The following MDGA2 variants were observed in gnomAD, a reference collection of about 807,000 sequenced individuals.
MDGA2 encodes the protein MAM domain containing glycosylphosphatidylinositol anchor 2.
Under a neutral mutation model 117.8 loss-of-function variants are expected in MDGA2, and 40 were observed. That is an observed-to-expected ratio of 0.34 (90% CI 0.26 to 0.44). The LOEUF (loss-of-function observed/expected upper bound fraction) is 0.44. Among genes scored for constraint, MDGA2 ranks in the 20% least tolerant of loss-of-function variants. The pLI is 1.00. For missense variants in MDGA2, 1,123 were observed against 1,250.6 expected, an observed-to-expected ratio of 0.90 and a Z score of 1.54; for synonymous variants, 452 against 439.0, an observed-to-expected ratio of 1.03 and a Z score of -0.37.
chr14:47,223,306 A>G (rs990235665), intron 2 of MDGA2, among the ~76,000 whole-genome samples: 1 of 152,204 alleles, frequency 6.6e-6, no homozygotes, highest in East Asian at 1.9e-4. Context: ...AACCTTAAGT[A>G]CCCTCTACAT....
At chr14:47,400,758 C>CTTTTTTTTTTTTT (rs570103742) in intron 1 of MDGA2, among the ~76,000 whole-genome samples, 1 of 66,214 alleles carries the variant, frequency 1.5e-5, no homozygotes, top group African/African-American at 5.4e-5. Flanking sequence ...CTTTTCTTTT[C>CTTTTTTTTTTTTT]TTTTTTTTTT....
At position 47,035,225 on chromosome 14, in the gene MDGA2, T is replaced by C. The variant is rs115213517; in HGVS notation, c.1605A>G (p.Gln535=). ...REGDTIELQC[Q]VTGKPKPIIL... ...TGATTGGTTTAGGTTTGCCAGTTAC[T>C]TGACATTGCAGTTCTATTGTGTCTC... Residue 535 remains glutamine, a synonymous_variant, in exon 8 of 17, where the codon CAA becomes CAG. Coordinates refer to ENST00000399232, the MANE Select transcript of MDGA2 (RefSeq NM_001113498.3). 6.8e-6 allele frequency: 11 copies of C among 1,614,160 alleles called. No homozygotes were observed. The African/African-American group carries it at 1.2e-4, about 18-fold the overall frequency.
chr14:47,439,218 A>G (rs1157752305), intron 1 of MDGA2, among the ~76,000 whole-genome samples: 1 of 152,136 alleles, frequency 6.6e-6, no homozygotes, highest in East Asian at 1.9e-4. Flanking sequence ...ATAGCAGGTT[A>G]TATTGAGAGA....
chr14:47,022,815 C>T (rs1356680961), intron 8 of MDGA2, among the ~76,000 whole-genome samples: 1 of 152,110 alleles, frequency 6.6e-6, no homozygotes, highest in Non-Finnish European at 1.5e-5. Flanking sequence ...TTCACCTTGA[C>T]TGGAACATGA....
chr14:47,608,501 T>G (rs2138896742), intron 1 of MDGA2, among the ~76,000 whole-genome samples: 1 of 152,130 alleles, frequency 6.6e-6, no homozygotes, highest in South Asian at 2.1e-4. Context: ...ATAAAAAGGC[T>G]GTGAAATGGG....
chr14:47,503,538 T>G (rs916673983), intron 1 of MDGA2, among the ~76,000 whole-genome samples: 3 of 151,526 alleles, frequency 2.0e-5, no homozygotes, highest in Non-Finnish European at 4.4e-5. Flanking sequence ...CCCTAGTAGC[T>G]GGGCTACAGG....
chr14:47,540,665 G>A (rs776668485), intron 1 of MDGA2, among the ~76,000 whole-genome samples: 3 of 151,094 alleles, frequency 2.0e-5, no homozygotes, highest in Non-Finnish European at 4.4e-5. Flanking sequence ...CTGAGGTCAA[G>A]CAATCCTCCT....
chr14:47,089,399 G>A (rs2138938342), intron 6 of MDGA2, among the ~76,000 whole-genome samples: 1 of 152,082 alleles, frequency 6.6e-6, no homozygotes, highest in Admixed American at 6.5e-5. Context: ...GTTTGTAGAT[G>A]TAGTCTCACT....
At chr14:47,012,702 G>A (rs1887936773) in intron 8 of MDGA2, among the ~76,000 whole-genome samples, 1 of 152,032 alleles carries the variant, frequency 6.6e-6, no homozygotes, top group African/African-American at 2.4e-5. Context: ...GAAGCAGGAG[G>A]TCATATTTCA....
At chr14:46,885,716 TACTTGGTCAGAGAAAATG>T in intron 10 of MDGA2, among the ~76,000 whole-genome samples, 1 of 152,156 alleles carries the variant, frequency 6.6e-6, no homozygotes, top group Admixed American at 6.6e-5. Flanking sequence ...GACTGGAGAC[TACTTGGTCAGAGAAAATG>T]ACTCATGACT....
At chr14:47,093,884 T>G (rs1879812827) in intron 6 of MDGA2, among the ~76,000 whole-genome samples, 1 of 152,106 alleles carries the variant, frequency 6.6e-6, no homozygotes, top group Non-Finnish European at 1.5e-5. Flanking sequence ...CTCAGAAACC[T>G]GGTCCATGGA....
intron 1 of MDGA2, among the ~76,000 whole-genome samples, chr14:47,654,633 A>G (rs1001356855): frequency 6.6e-6 from 1 of 151,238 alleles, no homozygotes; most frequent in African/African-American, 2.4e-5. Context: ...AATAACTGAG[A>G]GTTCCAGTTA....
chr14:47,468,389 A>G (rs574476493), intron 1 of MDGA2, among the ~76,000 whole-genome samples: 1 of 152,296 alleles, frequency 6.6e-6, no homozygotes, highest in South Asian at 2.1e-4. Flanking sequence ...CCTGTGCTGC[A>G]GTTGAAAAGT....
chr14:46,969,441 G>T (rs1244797833), intron 8 of MDGA2, among the ~76,000 whole-genome samples: 1 of 152,104 alleles, frequency 6.6e-6, no homozygotes, highest in Non-Finnish European at 1.5e-5. Context: ...TGATCACCAT[G>T]CTAACTGGTG....
chr14:47,450,213 C>G (rs1893212248), intron 1 of MDGA2, among the ~76,000 whole-genome samples: 1 of 151,964 alleles, frequency 6.6e-6, no homozygotes, highest in South Asian at 2.1e-4. Flanking sequence ...TGGGACTTAG[C>G]ATGTGGTAAC....
chr14:46,861,578 A>G (rs1469226570), intron 14 of MDGA2, among the ~76,000 whole-genome samples: 6 of 152,058 alleles, frequency 3.9e-5, no homozygotes, highest in African/African-American at 1.2e-4. Context: ...GGTGTATTCA[A>G]TTGTGGCTAG....
At chr14:47,175,982 C>T (rs928278333) in intron 3 of MDGA2, among the ~76,000 whole-genome samples, 12 of 152,268 alleles carry the variant, frequency 7.9e-5, no homozygotes, top group African/African-American at 2.6e-4. Context: ...GTGCAAAAAT[C>T]ACAAGCATTC....
intron 2 of MDGA2, among the ~76,000 whole-genome samples, chr14:47,273,174 T>C: frequency 6.6e-6 from 1 of 152,282 alleles, no homozygotes; most frequent in Non-Finnish European, 1.5e-5. Flanking sequence ...TGCAAATCAC[T>C]GAGGTAAGGG....
Position 47,268,067 on chromosome 14 carries a change from C to T in MDGA2, c.420+33344G>A, listed in dbSNP as rs564465219. 2.3e-3 allele frequency among the ~76,000 whole-genome samples: 344 copies of T among 151,228 alleles called. 2 individuals carry two copies. The highest frequency in any genetic ancestry group is 7.7e-3 in the African/African-American group (320 of 41,292). On this transcript the variant is annotated intron_variant, in intron 2 of 16. Coordinates refer to ENST00000399232, the MANE Select transcript of MDGA2 (RefSeq NM_001113498.3). The stretch of plus-strand genomic sequence containing the variant: ...ATGCAGCCTCAAAACATCTTATTTC[C>T]TTTTCTTCTTTTTTTTTTTTTTGAG...
Sources: allele counts gnomAD v4.1 joint callset (sites outside exome capture counted in the v4.1 genomes callset), GRCh38; gene constraint gnomAD v4.1.1; transcripts MANE v1.5; gene names NCBI Gene and HGNC (gene_info 2026-07-23, HGNC 2026-07-21).